Variants in MED12L observed in about 807,000 individuals in gnomAD.
MED12L encodes the protein mediator of RNA polymerase II transcription subunit 12-like protein.
MED12L carries 60 observed loss-of-function variants against 281.3 expected under a neutral mutation model. The ratio of observed to expected loss-of-function variants is 0.21; its 90% confidence interval spans 0.17 to 0.26. MED12L has a LOEUF of 0.26. Among genes scored for constraint, MED12L ranks in the 10% least tolerant of loss-of-function variants. The probability of loss-of-function intolerance (pLI) is 1.00; values close to 1 mark genes in which losing one functional copy is unlikely to be tolerated. For synonymous variants in MED12L, 974 were observed against 987.2 expected (o/e 0.99, Z 0.25); for missense variants, 2,146 against 2,680.9 (o/e 0.80, Z 4.41).
intron 16 of MED12L, among the ~76,000 whole-genome samples, chr3:151,256,959 C>T (rs1737939684): frequency 1.3e-5 from 2 of 151,564 alleles, no homozygotes; most frequent in Admixed American, 6.6e-5. Context: ...ATCAAGTCCA[C>T]ATATGAAGTA....
intron 16 of MED12L, among the ~76,000 whole-genome samples, chr3:151,242,113 G>C (rs987098994): frequency 3.9e-5 from 6 of 152,154 alleles, no homozygotes; most frequent in Non-Finnish European, 7.3e-5. Context: ...CACCTGGCTC[G>C]GAGGGTCCTA....
chr3:151,156,407 G>A (rs1719290874), intron 6 of MED12L, 77 bp downstream of exon 6: 1 of 1,385,224 alleles, frequency 7.2e-7, no homozygotes, highest in African/African-American at 1.5e-5. Context: ...TTGGTGTTCT[G>A]GGGTTAAATC....
chr3:151,213,786 A>G (rs953961365), intron 16 of MED12L: 1 of 1,614,158 alleles, frequency 6.2e-7, no homozygotes, highest in East Asian at 2.2e-5. Context: ...GTCCCAGTTC[A>G]CTTTTCAGTT....
chr3:151,373,800 G>A (rs898050510), intron 27 of MED12L, among the ~76,000 whole-genome samples: 1 of 151,980 alleles, frequency 6.6e-6, no homozygotes, highest in Non-Finnish European at 1.5e-5. Context: ...GGCCCATGTT[G>A]TACTTTCTCT....
intron 2 of MED12L, among the ~76,000 whole-genome samples, chr3:151,110,176 G>T (rs1309884353): frequency 1.3e-5 from 2 of 152,170 alleles, no homozygotes; most frequent in African/African-American, 4.8e-5. Context: ...GGGTTTTAGA[G>T]GCATGCTGTT....
At chr3:151,174,490 G>A (rs16863208) in intron 11 of MED12L, among the ~76,000 whole-genome samples, 11,700 of 151,974 alleles carry the variant, frequency 0.077, 1,002 homozygotes, top group African/African-American at 0.21. Flanking sequence ...TTGTTTCCTC[G>A]CAGAATTAGA....
At chr3:151,335,564 T>C (rs1332235816) in intron 16 of MED12L, among the ~76,000 whole-genome samples, 1 of 152,192 alleles carries the variant, frequency 6.6e-6, no homozygotes, top group Non-Finnish European at 1.5e-5. Flanking sequence ...GTCTCATCTT[T>C]TGAACTTTTC....
intron 16 of MED12L, among the ~76,000 whole-genome samples, chr3:151,221,814 C>T (rs555146119): frequency 6.6e-6 from 1 of 152,218 alleles, no homozygotes; most frequent in African/African-American, 2.4e-5. Context: ...GGAGCCCCCA[C>T]ACAGAGTGCC....
Position 151,416,230 on chromosome 3 carries a change from A to G in MED12L, c.6298-82A>G. On this transcript the variant is annotated intron_variant, in intron 42 of 44. Transcript: ENST00000687756. ...TTTTACTACAACATAAAAATTAGAT[A>G]AAAGGTATATGGGGGAAACAGATTC... 3.1e-6 allele frequency: 5 copies of G among 1,608,848 alleles called. No homozygotes were observed. In the South Asian group the frequency reaches 5.5e-5, roughly 18 times the overall value.
At chr3:151,384,992 C>A in intron 35 of MED12L, 38 bp from the exon 36 acceptor site, 3 of 1,115,836 alleles carry the variant, frequency 2.7e-6, no homozygotes, top group South Asian at 1.3e-5. Context: ...TAATTTCTGT[C>A]CCACTTCTCA....
At chr3:151,284,090 C>G (rs148658097) in intron 16 of MED12L, among the ~76,000 whole-genome samples, 2 of 152,188 alleles carry the variant, frequency 1.3e-5, no homozygotes, top group Admixed American at 1.3e-4. Context: ...GAACATACTT[C>G]GTTTTTGTCA....
intron 2 of MED12L, among the ~76,000 whole-genome samples, chr3:151,089,425 T>A (rs1189262801): frequency 6.6e-6 from 1 of 151,968 alleles, no homozygotes; most frequent in Non-Finnish European, 1.5e-5. Flanking sequence ...TTTAGCTTTT[T>A]TTTTTTTTTT....
At chr3:151,429,493 A>ATT (rs1719227792) in intron 43 of MED12L, among the ~76,000 whole-genome samples, 1 of 152,242 alleles carries the variant, frequency 6.6e-6, no homozygotes, top group South Asian at 2.1e-4. Context: ...AAAGAAAAGG[A>ATT]GAAAACGATA....
At chr3:151,355,823 TAAA>T in intron 18 of MED12L, 70 bp from the exon 19 acceptor site, 1 of 1,373,186 alleles carries the variant, frequency 7.3e-7, no homozygotes, top group Non-Finnish European at 9.8e-7. Context: ...TCTTAAAAAG[TAAA>T]AATGATTTAT....
chr3:151,378,832 A>C (rs1413198108), intron 31 of MED12L, among the ~76,000 whole-genome samples: 1 of 152,236 alleles, frequency 6.6e-6, no homozygotes, highest in East Asian at 1.9e-4. Flanking sequence ...TTGTCCACTA[A>C]TGAATAATAC....
chr3:151,374,805 A>C (rs1310020064), intron 27 of MED12L, among the ~76,000 whole-genome samples: 3 of 152,164 alleles, frequency 2.0e-5, no homozygotes, highest in Non-Finnish European at 4.4e-5. Flanking sequence ...TTACTTTCAA[A>C]AGTGAAACTA....
At chr3:151,142,401 A>G (rs894398976) in intron 5 of MED12L, among the ~76,000 whole-genome samples, 1 of 152,224 alleles carries the variant, frequency 6.6e-6, no homozygotes, top group African/African-American at 2.4e-5. Context: ...AAGCATAAAC[A>G]AGAGAATTTT....
At chr3:151,350,365 C>T (rs1201767726) in intron 17 of MED12L, among the ~76,000 whole-genome samples, 159 bp downstream of exon 17, 2 of 151,768 alleles carry the variant, frequency 1.3e-5, no homozygotes, top group South Asian at 2.1e-4. Flanking sequence ...AATTTTAAAG[C>T]CTTGTTTCCA....
At chr3:151,267,407 C>T (rs1740045277) in intron 16 of MED12L, among the ~76,000 whole-genome samples, 1 of 152,068 alleles carries the variant, frequency 6.6e-6, no homozygotes, top group South Asian at 2.1e-4. Flanking sequence ...TAGAAAGAAA[C>T]AATATCAAGG....
Sources: gnomAD v4.1 joint callset for allele counts (sites outside exome capture counted in the v4.1 genomes callset) on GRCh38, gnomAD v4.1.1 for gene constraint, MANE v1.5 for transcripts, NCBI Gene and HGNC (gene_info 2026-07-23, HGNC 2026-07-21) for gene names.